Variants in TPP1 observed in about 807,000 individuals in gnomAD.
The protein encoded by TPP1 is tripeptidyl peptidase 1.
TPP1 carries 43 observed loss-of-function variants against 67.6 expected under a neutral mutation model. The observed-to-expected ratio is 0.64, with a 90% confidence interval of 0.50 to 0.82. TPP1 has a LOEUF of 0.82. Ranked by LOEUF, TPP1 falls within the 40% of genes least tolerant of loss-of-function variation. The pLI, the probability that TPP1 is intolerant of heterozygous loss-of-function variation, is 0.00. For missense variants in TPP1, 671 were observed against 710.9 expected (o/e 0.94, Z 0.64); for synonymous variants, 272 against 281.5 (o/e 0.97, Z 0.34).
Position 6,615,585 on chromosome 11 carries a change from G to A in TPP1, c.1146-23C>T, listed in dbSNP as rs1489628469. The A allele has an allele frequency of 1.9e-6, 3 of 1,613,926 alleles. No homozygotes were observed. The South Asian group carries it at 3.3e-5, about 18-fold the overall frequency. On this transcript the variant is annotated intron_variant, in intron 9 of 12. Coordinates refer to ENST00000299427, the MANE Select transcript of TPP1 (RefSeq NM_000391.4). ...GGGCTGAGGGGAGAAGACAGCATTT[G>A]GATAGTAGGGGACCCAAGGGGACCT...
chr11:6,615,942 T>A, intron 9 of TPP1, 63 bp downstream of exon 9: 1 of 1,574,048 alleles, frequency 6.4e-7, no homozygotes, highest in Non-Finnish European at 8.7e-7. Context: ...ACAAAGGTTC[T>A]ACATCATGAG....
rs766541487 is a variant in TPP1 at position 6,616,735 on chromosome 11, A to G, written c.812T>C (p.Ile271Thr). ...GTACTGCACATCTAGACTGGCCTCAATCCCGGCCCGGCCCCGGCCCTGTTG... is the reference window on the plus strand; with the variant it reads ...GTACTGCACATCTAGACTGGCCTCAGTCCCGGCCCGGCCCCGGCCCTGTTG... ...VGQQGRGRAG[I>T]EASLDVQYLM... Residue 271 changes from isoleucine (I) to threonine (T), a missense_variant, in exon 7 of 13, where the codon ATT (isoleucine) becomes ACT (threonine). Physicochemically the swap from Ile to Thr is moderately conservative, Grantham distance 89. Coordinates refer to ENST00000299427, the MANE Select transcript of TPP1 (RefSeq NM_000391.4). 39 of 1,613,858 alleles carry G rather than the reference A, an allele frequency of 2.4e-5. No individual in the cohort carries two copies. The highest frequency in any genetic ancestry group is 3.2e-5 in the Non-Finnish European group (38 of 1,179,992).
chr11:6,616,108 T>C, intron 8 of TPP1, 34 bp from the exon 9 acceptor site: 2 of 1,613,436 alleles, frequency 1.2e-6, no homozygotes, highest in South Asian at 2.2e-5. Context: ...TCATATTAAT[T>C]GGTTAGGGCT....
rs1262431914 is a variant in TPP1 at position 6,614,555 on chromosome 11, G to A, written c.1683C>T (p.Leu561=). Residue 561 remains leucine (L), a synonymous_variant, in exon 13 of 13, where the codon CTC becomes CTT. Transcript: ENST00000299427. ...PNFPALLKTL[L]NP ...TCCTGATAGGAAAGGGTCAGGGGTT[G>A]AGTAGAGTCTTCAGCAAAGCTGGGA... 2.5e-6 allele frequency: 4 copies of A among 1,613,986 alleles called. No individual in the cohort carries two copies. The highest frequency in any genetic ancestry group is 2.2e-5 in the East Asian group (1 of 44,876).
In TPP1 at chr11:6,615,335, A is replaced by C; in HGVS notation, c.1267-6T>G. On this transcript the variant is annotated splice_polypyrimidine_tract_variant and splice_region_variant and intron_variant, in intron 10 of 12. Transcript: ENST00000299427. ...AACTTCGTTACAGCTTCCTCCTGAA[A>C]GGCATTTTTGAGTGAGTATTGGCAT... is the stretch of plus-strand genomic sequence containing the variant. 2 of 1,614,144 alleles carry C rather than the reference A, an allele frequency of 1.2e-6. No individual in the cohort carries two copies. The highest frequency in any genetic ancestry group is 1.7e-6 in the Non-Finnish European group (2 of 1,180,022).
In TPP1 at chr11:6,619,060, T is replaced by G. The variant is rs983679485; in HGVS notation, c.89+136A>C. The G allele has an allele frequency of 2.7e-6, 4 of 1,469,964 alleles. No individual in the cohort carries two copies. The African/African-American group carries it at 5.6e-5, about 20-fold the overall frequency. 91.1% of individuals were successfully genotyped at this position (1,469,964 alleles called of 1,614,324 possible). The stretch of plus-strand genomic sequence containing the variant: ...TCACATGAGGTGAATGATAGGGGAC[T>G]GAGGCTAGGAACATAGAGATGAAGC... On this transcript the variant is annotated intron_variant, in intron 2 of 12. Transcript: ENST00000299427.
At chr11:6,619,114 G>C in intron 2 of TPP1, 82 bp downstream of exon 2, 3 of 1,559,832 alleles carry the variant, frequency 1.9e-6, no homozygotes, top group Non-Finnish European at 2.6e-6. Context: ...AGCTGGCACG[G>C]GGGTGAGAGA....
chr11:6,617,045 C>A lies in TPP1; in HGVS notation c.617G>T (p.Arg206Leu), dbSNP rs121908209. Residue 206 changes from arginine to leucine, a missense_variant, in exon 6 of 13, where the codon CGT (arginine) becomes CTT (leucine). Arg to Leu is a moderately radical substitution (Grantham distance 102). Transcript: ENST00000299427. ...TTGTGAGGTCAAGTTGTATCGCTTA[C>A]GGATCACAGAGGGGGTTACCCCCAG... is the stretch of plus-strand genomic sequence containing the variant. ...LHLGVTPSVI[R>L]KRYNLTSQDV... 6.2e-7 allele frequency: 1 copy of A among 1,614,124 alleles called. No homozygotes were observed. The highest frequency in any genetic ancestry group is 8.5e-7 in the Non-Finnish European group (1 of 1,180,010).
chr11:6,614,673 C>G lies in TPP1; in HGVS notation c.1565G>C (p.Cys522Ser). 1 of 1,614,144 alleles carries G rather than the reference C, an allele frequency of 6.2e-7. No individual in the cohort carries two copies. The highest frequency in any genetic ancestry group is 1.3e-5 in the African/African-American group (1 of 75,012). Residue 522 changes from cysteine (C) to serine (S), a missense_variant, in exon 13 of 13, where the codon TGC becomes TCC. Transcript: ENST00000299427. ...CTCTTCATCCAGACAGGACTCATGG[C>G]AGCCACGGGTTACCTAGGGAGGAGG... ...GAGLFDVTRG[C>S]HESCLDEEVE...
intron 12 of TPP1, 58 bp downstream of exon 12, chr11:6,614,808 C>T (rs1394043793): frequency 6.2e-6 from 10 of 1,613,796 alleles, no homozygotes; most frequent in Non-Finnish European, 8.5e-6. Flanking sequence ...CCCCAAGTCC[C>T]CCTTAGCACT....
rs1855542710 is a variant in TPP1 at position 6,614,384 on chromosome 11, T to C, written c.*162A>G. On this transcript the variant is annotated 3_prime_UTR_variant, in exon 13 of 13. Coordinates refer to ENST00000299427, the MANE Select transcript of TPP1 (RefSeq NM_000391.4). ...CTGAGTATGATGGAGCATGGTAGGG[T>C]TGGGAGTCAAGTCAAGCTCACAGCA... 2 of 909,256 alleles carry C rather than the reference T, an allele frequency of 2.2e-6. No homozygotes were observed. Among genetic ancestry groups the C allele is most frequent in the Non-Finnish European group, 1.7e-6 (1 of 588,572 alleles). 56.3% of individuals were successfully genotyped at this position (909,256 alleles called of 1,614,324 possible). A position where few individuals can be genotyped will look rare whatever the true frequency, so the allele number is the denominator to read the frequency against.
intron 12 of TPP1, 67 bp from the exon 13 acceptor site, chr11:6,614,753 C>T: frequency 1.9e-6 from 3 of 1,613,842 alleles, no homozygotes; most frequent in Non-Finnish European, 2.5e-6. Context: ...TATCTCCTCA[C>T]CCTGTACTCA....
Position 6,619,176 on chromosome 11 carries a change from T to G in TPP1, c.89+20A>C, listed in dbSNP as rs748501892. The G allele has an allele frequency of 6.2e-7, 1 of 1,613,796 alleles. No homozygotes were observed. The highest frequency in any genetic ancestry group is 8.5e-7 in the Non-Finnish European group (1 of 1,179,890). On this transcript the variant is annotated intron_variant, in intron 2 of 12. Transcript: ENST00000299427. ...GAACAGGGTATGGGGAAGGGGGCAG[T>G]CTGTGCTAAGTCAACTCACGTCCTC...
rs1855521786 is a variant in TPP1 at position 6,613,125 on chromosome 11, C to G, written c.*1421G>C. 6.6e-6 allele frequency: 1 copy of G among 152,224 alleles called. No homozygotes were observed. The highest frequency in any genetic ancestry group is 2.4e-5 in the African/African-American group (1 of 41,448). 9.4% of individuals were successfully genotyped at this position (152,224 alleles called of 1,614,324 possible). A position where few individuals can be genotyped will look rare whatever the true frequency, so the allele number is the denominator to read the frequency against. On this transcript the variant is annotated 3_prime_UTR_variant, in exon 13 of 13. Transcript: ENST00000299427. ...GGGAGATAAGCTTACTTGACCCAGT[C>G]TCTCTCCTAGTCCATATCAGAACCA...
chr11:6,615,938 G>T, intron 9 of TPP1, 67 bp downstream of exon 9: 1 of 1,563,034 alleles, frequency 6.4e-7, no homozygotes, highest in Non-Finnish European at 8.8e-7. Flanking sequence ...CAAGACAAAG[G>T]TTCTACATCA....
chr11:6,619,255 G>A lies in TPP1; in HGVS notation c.30C>T (p.Leu10=). The change falls in exon 2 of 13, where the codon CTC becomes CTT. Residue 10 remains leucine (L), a synonymous_variant. Transcript: ENST00000299427. The part of the protein sequence containing the change: MGLQACLLG[L]FALILSGKCS... ...ATTTGCCAGAGAGGATGAGGGCAAA[G>A]AGCCCTAGGAGGCTGTAGGGGCAGC... The A allele has an allele frequency of 6.2e-7, 1 of 1,614,164 alleles. No homozygotes were observed. The highest frequency in any genetic ancestry group is 8.5e-7 in the Non-Finnish European group (1 of 1,180,026).
At chr11:6,615,093 T>A in intron 11 of TPP1, 78 bp downstream of exon 11, 1 of 1,613,830 alleles carries the variant, frequency 6.2e-7, no homozygotes, top group Non-Finnish European at 8.5e-7. Context: ...AGTCAGGGGT[T>A]CTAGGTGCAA....
Position 6,615,468 on chromosome 11 carries a change from T to TACTGAA in TPP1, c.1239_1240insTTCAGT (p.Phe412_Ser413dup). On this transcript the variant is annotated inframe_insertion, in exon 10 of 13. Coordinates refer to ENST00000299427, the MANE Select transcript of TPP1 (RefSeq NM_000391.4). ...TGGTATGAAGGCCGTGGGAACACAT[T>TACTGAA]GCTGAAGCCACCACCACTGATATAG... is the stretch of plus-strand genomic sequence containing the variant. 6.2e-7 allele frequency: 1 copy of TACTGAA among 1,614,172 alleles called. No homozygotes were observed. The highest frequency in any genetic ancestry group is 8.5e-7 in the Non-Finnish European group (1 of 1,180,024).
rs750546113 is a variant in TPP1, at chr11:6,615,189, T to C, written c.1407A>G (p.Pro469=). The C allele has an allele frequency of 1.6e-5, 26 of 1,614,126 alleles. No homozygotes were observed. The Admixed American group carries it at 2.5e-4, about 16-fold the overall frequency. The stretch of plus-strand genomic sequence containing the variant: ...TTCTCACCGAGGTTCCGGACACCCA[T>C]GGAATGGGCACTCTGTTGCTGACCA... ...YWVVSNRVPI[P]WVSGTSASTP... is the part of the protein sequence containing the mutation. Residue 469 remains proline, a synonymous_variant, in exon 11 of 13, where the codon CCA becomes CCG. Transcript: ENST00000299427.
Sources: allele counts gnomAD v4.1 joint callset, GRCh38; gene constraint gnomAD v4.1.1; transcripts MANE v1.5; gene names NCBI Gene and HGNC (gene_info 2026-07-23, HGNC 2026-07-21).